Variants in COPS3 observed in about 807,000 individuals in gnomAD.
COPS3 encodes the protein COP9 signalosome subunit 3.
In COPS3, 10 loss-of-function variants were observed where a neutral mutation model predicts 58.2. The observed-to-expected ratio is 0.17, with a 90% CI of 0.11 to 0.29. COPS3 has a LOEUF of 0.29. Among genes scored for constraint, COPS3 ranks in the 10% least tolerant of loss-of-function variants. The pLI is 1.00. For synonymous variants in COPS3, 187 were observed against 181.7 expected, an observed-to-expected ratio of 1.03 and a Z score of -0.24; for missense variants, 333 against 510.1, an observed-to-expected ratio of 0.65 and a Z score of 3.34.
chr17:17,260,255 C>G, intron 8 of COPS3, 46 bp downstream of exon 8: 2 of 1,585,556 alleles, frequency 1.3e-6, no homozygotes, highest in Non-Finnish European at 1.7e-6. Flanking sequence ...GAAACATGGC[C>G]CCCAGGGGGT....
At chr17:17,273,221 A>G (rs1042498832) in intron 2 of COPS3, among the ~76,000 whole-genome samples, 2 of 152,218 alleles carry the variant, frequency 1.3e-5, no homozygotes, top group Non-Finnish European at 2.9e-5. Context: ...GCTTTGTCAG[A>G]ATGGAAGGAT....
chr17:17,257,637 A>G (rs576411298), intron 8 of COPS3, among the ~76,000 whole-genome samples: 2 of 151,178 alleles, frequency 1.3e-5, no homozygotes, highest in African/African-American at 4.9e-5. Flanking sequence ...CTCTACTAAA[A>G]ATACAAACAA....
At chr17:17,259,185 A>G (rs1454944485) in intron 8 of COPS3, among the ~76,000 whole-genome samples, 1 of 152,122 alleles carries the variant, frequency 6.6e-6, no homozygotes. Flanking sequence ...CTCGTCCCCA[A>G]CCATGCATCA....
chr17:17,272,881 G>T (rs1460442601), intron 2 of COPS3, among the ~76,000 whole-genome samples: 2 of 152,166 alleles, frequency 1.3e-5, no homozygotes, highest in Non-Finnish European at 2.9e-5. Context: ...CAGCCTACAT[G>T]ACAAAGTGAG....
intron 1 of COPS3, chr17:17,280,809 C>G: frequency 8.0e-7 from 1 of 1,251,780 alleles, no homozygotes; most frequent in Non-Finnish European, 1.0e-6. Context: ...AACCAATAGT[C>G]GCCCGAGATG....
intron 9 of COPS3, among the ~76,000 whole-genome samples, chr17:17,252,299 G>A (rs926830482): frequency 6.6e-6 from 1 of 152,090 alleles, no homozygotes; most frequent in African/African-American, 2.4e-5. Flanking sequence ...TTCCAGAAGG[G>A]TTTCTCAAGC....
At chr17:17,270,096 GCAGTGA>G (rs1168676931) in intron 4 of COPS3, among the ~76,000 whole-genome samples, 1 of 151,976 alleles carries the variant, frequency 6.6e-6, no homozygotes, top group African/African-American at 2.4e-5. Flanking sequence ...GGTGGAGGTT[GCAGTGA>G]CCAGAGATGG....
At chr17:17,268,744 G>A (rs576747003) in intron 4 of COPS3, among the ~76,000 whole-genome samples, 277 of 151,688 alleles carry the variant, frequency 1.8e-3, no homozygotes, top group African/African-American at 6.2e-3. Context: ...GCTTGAACCC[G>A]GGAGGCGGAG....
At chr17:17,265,486 C>A (rs1224223949) in intron 5 of COPS3, among the ~76,000 whole-genome samples, 3 of 151,824 alleles carry the variant, frequency 2.0e-5, no homozygotes, top group Admixed American at 2.0e-4. Flanking sequence ...GCAACCTCCA[C>A]CTCCCGGGTT....
intron 2 of COPS3, among the ~76,000 whole-genome samples, chr17:17,275,598 A>G (rs2048444418): frequency 6.6e-6 from 1 of 152,220 alleles, no homozygotes; most frequent in African/African-American, 2.4e-5. Context: ...AAAGAGCTCA[A>G]TGTTATTTAC....
chr17:17,280,886 G>C, intron 1 of COPS3: 1 of 1,010,466 alleles, frequency 9.9e-7, no homozygotes. Flanking sequence ...CCCAGGCCGG[G>C]GGGAGGGGGC....
chr17:17,261,792 C>T (rs2048107004), intron 7 of COPS3, 174 bp downstream of exon 7: 2 of 560,892 alleles, frequency 3.6e-6, no homozygotes, highest in East Asian at 3.1e-5. Flanking sequence ...GAGAAATATT[C>T]CATTCCAATC....
chr17:17,267,267 G>A (rs1326134964), intron 5 of COPS3, among the ~76,000 whole-genome samples: 1 of 151,046 alleles, frequency 6.6e-6, no homozygotes, highest in Non-Finnish European at 1.5e-5. Context: ...GAACCCGGGA[G>A]GCGGAGCTTG....
chr17:17,268,133 T>G (rs2048267937), intron 4 of COPS3, 156 bp from the exon 5 acceptor site: 1 of 1,137,472 alleles, frequency 8.8e-7, no homozygotes, highest in Non-Finnish European at 1.1e-6. Context: ...TTCTGTCCCA[T>G]TTAAGTCAGA....
intron 8 of COPS3, among the ~76,000 whole-genome samples, chr17:17,258,110 C>T (rs147109455): frequency 3.3e-5 from 5 of 152,292 alleles, no homozygotes; most frequent in East Asian, 1.9e-4. Flanking sequence ...TTTAAAGACA[C>T]GGTTCCTGCC....
At chr17:17,281,029 C>T in intron 1 of COPS3, 103 bp downstream of exon 1, 1 of 1,332,734 alleles carries the variant, frequency 7.5e-7, no homozygotes, top group Non-Finnish European at 1.0e-6. Context: ...GGAGAAGAGT[C>T]TCAGGACTAA....
chr17:17,247,576 A>G lies in COPS3; in HGVS notation c.1138-16T>C, dbSNP rs760343209. The G allele has an allele frequency of 1.9e-6, 3 of 1,613,886 alleles. No homozygotes were observed. The highest frequency in any genetic ancestry group is 2.7e-5 in the African/African-American group (2 of 74,944). The stretch of plus-strand genomic sequence containing the variant: ...ACTTCAGCATCTGCATGACAGGCAC[A>G]TTAGAAGGTGGTCAGCGGCGGGTTT... On this transcript the variant is annotated splice_polypyrimidine_tract_variant and intron_variant, in intron 10 of 11. Transcript: ENST00000268717.
At chr17:17,260,506 T>A in intron 7 of COPS3, 32 bp from the exon 8 acceptor site, 1 of 1,610,196 alleles carries the variant, frequency 6.2e-7, no homozygotes, top group East Asian at 2.2e-5. Context: ...AAAATTCAGA[T>A]TAAAACTTCA....
At chr17:17,272,145 A>G (rs897712904) in intron 2 of COPS3, among the ~76,000 whole-genome samples, 2 of 151,702 alleles carry the variant, frequency 1.3e-5, no homozygotes, top group Admixed American at 1.3e-4. Flanking sequence ...AAAATTGGCC[A>G]GGCACGGTGG....
Sources: allele counts gnomAD v4.1 joint callset (sites outside exome capture counted in the v4.1 genomes callset), GRCh38; gene constraint gnomAD v4.1.1; transcripts MANE v1.5; gene names NCBI Gene and HGNC (gene_info 2026-07-23, HGNC 2026-07-21).